The following ASAH2 variants were observed in gnomAD, a reference collection of about 807,000 sequenced individuals.
ASAH2 encodes N-acylsphingosine amidohydrolase 2.
ASAH2 carries 58 observed loss-of-function variants against 82.9 expected under a neutral mutation model. The observed-to-expected ratio is 0.70, with a 90% CI of 0.57 to 0.87. ASAH2 has a LOEUF of 0.87. Among genes scored for constraint, ASAH2 ranks in the 40% least tolerant of loss-of-function variants. The pLI is 0.00. For synonymous variants in ASAH2, 276 were observed against 289.7 expected (o/e 0.95, Z 0.48); for missense variants, 779 against 834.0 (o/e 0.93, Z 0.81).
chr10:50,235,813 A>G (rs1192714413), intron 5 of ASAH2, 75 bp downstream of exon 5: 2 of 1,508,434 alleles, frequency 1.3e-6, no homozygotes, highest in Non-Finnish European at 1.8e-6. Context: ...GGGATTCTTT[A>G]TATCACATCC....
intron 4 of ASAH2, among the ~76,000 whole-genome samples, chr10:50,241,782 C>T (rs1846302864): frequency 6.6e-6 from 1 of 152,122 alleles, no homozygotes; most frequent in African/African-American, 2.4e-5. Flanking sequence ...AGCAAACTAA[C>T]ACAAGAACAG....
intron 4 of ASAH2, among the ~76,000 whole-genome samples, chr10:50,237,325 A>T (rs928873027): frequency 3.9e-5 from 6 of 152,188 alleles, no homozygotes; most frequent in Non-Finnish European, 8.8e-5. Flanking sequence ...GTCAGCACTA[A>T]CTTGCTAGCC....
At chr10:50,225,832 T>A (rs1316297127) in intron 7 of ASAH2, among the ~76,000 whole-genome samples, 3 of 152,182 alleles carry the variant, frequency 2.0e-5, no homozygotes, top group Non-Finnish European at 4.4e-5. Context: ...GGCTCACAAT[T>A]GTAATCTCAA....
At chr10:50,248,393 G>T in intron 2 of ASAH2, 91 bp downstream of exon 2, 1 of 1,482,784 alleles carries the variant, frequency 6.7e-7, no homozygotes, top group Non-Finnish European at 9.2e-7. Context: ...AGAACTATCA[G>T]CAGACACTGT....
chr10:50,205,739 T>C (rs1845275750), intron 13 of ASAH2, among the ~76,000 whole-genome samples: 1 of 152,012 alleles, frequency 6.6e-6, no homozygotes, highest in Admixed American at 6.6e-5. Flanking sequence ...TATTCTGCCT[T>C]TCCCACTGTC....
chr10:50,223,491 G>A (rs1167646258), intron 7 of ASAH2, among the ~76,000 whole-genome samples: 1 of 152,184 alleles, frequency 6.6e-6, no homozygotes, highest in African/African-American at 2.4e-5. Context: ...CTACGTGCTA[G>A]CATGGCCCTC....
At position 50,185,155 on chromosome 10, in the gene ASAH2, C is replaced by G. The variant is rs1844712056; in HGVS notation, c.*2160G>C. ...ATGGTTTGGCTCCAGTGAGCCAGTC[C>G]CTGCAGCATCCACAGACATGAATTG... On this transcript the variant is annotated 3_prime_UTR_variant, in exon 21 of 21. Coordinates refer to ENST00000682911, the MANE Select transcript of ASAH2 (RefSeq NM_019893.4). The G allele has an allele frequency of 6.6e-6, 1 of 151,030 alleles. No individual in the cohort carries two copies. Among genetic ancestry groups the G allele is most frequent in the Non-Finnish European group, 1.5e-5 (1 of 67,686 alleles). 9.4% of individuals were successfully genotyped at this position (151,030 alleles called of 1,614,324 possible).
intron 17 of ASAH2, 47 bp downstream of exon 17, chr10:50,199,004 A>G: frequency 6.3e-7 from 1 of 1,587,012 alleles, no homozygotes; most frequent in Non-Finnish European, 8.6e-7. Flanking sequence ...ACACACACAC[A>G]CACACACACG....
chr10:50,234,924 G>C (rs1176278252), intron 5 of ASAH2, among the ~76,000 whole-genome samples: 1 of 152,070 alleles, frequency 6.6e-6, no homozygotes, highest in Non-Finnish European at 1.5e-5. Context: ...ACATGCAACT[G>C]TTTCCACCTC....
chr10:50,213,240 T>G (rs1845509159), intron 9 of ASAH2, among the ~76,000 whole-genome samples, 182 bp from the exon 10 acceptor site: 2 of 152,208 alleles, frequency 1.3e-5, no homozygotes, highest in Non-Finnish European at 2.9e-5. Context: ...GAAGAGTGAA[T>G]GTCTTTAGAA....
chr10:50,237,641 C>A (rs1846193818), intron 4 of ASAH2, among the ~76,000 whole-genome samples: 1 of 152,132 alleles, frequency 6.6e-6, no homozygotes, highest in Non-Finnish European at 1.5e-5. Context: ...AATGAACATC[C>A]AAATGCATGA....
At chr10:50,243,455 C>A (rs1029060709) in intron 3 of ASAH2, 104 bp from the exon 4 acceptor site, 2 of 1,257,478 alleles carry the variant, frequency 1.6e-6, no homozygotes, top group Non-Finnish European at 2.2e-6. Flanking sequence ...CAAAGAAAAA[C>A]ATCCACATGA....
chr10:50,235,554 C>T (rs1846136712), intron 5 of ASAH2, among the ~76,000 whole-genome samples: 1 of 152,100 alleles, frequency 6.6e-6, no homozygotes, highest in Non-Finnish European at 1.5e-5. Flanking sequence ...TTGGCTCCTT[C>T]ATGGGTTTCT....
chr10:50,218,664 G>A, intron 7 of ASAH2, 34 bp from the exon 8 acceptor site: 17 of 1,613,438 alleles, frequency 1.1e-5, no homozygotes, highest in Non-Finnish European at 1.4e-5. Context: ...AATTAATCAG[G>A]AGAACGAGAG....
chr10:50,213,702 T>C lies in ASAH2; in HGVS notation c.1141-644A>G, dbSNP rs879158282. On this transcript the variant is annotated intron_variant, in intron 9 of 20. Coordinates refer to ENST00000682911, the MANE Select transcript of ASAH2 (RefSeq NM_019893.4). Reference sequence around the variant, plus strand: ...ACAGGTAAAACATCTTAAATTTCCATAGGGGGCAAAAGACATAAATAAGAC... The same window carrying C: ...ACAGGTAAAACATCTTAAATTTCCACAGGGGGCAAAAGACATAAATAAGAC... Among the ~76,000 whole-genome samples, 394 of 152,132 alleles carry C rather than the reference T, an allele frequency of 2.6e-3. 4 individuals carry two copies. Among genetic ancestry groups the C allele is most frequent in the Admixed American group, 0.014 (213 of 15,282 alleles).
At chr10:50,205,501 A>C (rs1845270263) in intron 13 of ASAH2, among the ~76,000 whole-genome samples, 1 of 152,030 alleles carries the variant, frequency 6.6e-6, no homozygotes. Flanking sequence ...CCAAGTTTTT[A>C]TGAATACTGA....
intron 4 of ASAH2, among the ~76,000 whole-genome samples, chr10:50,242,022 A>T (rs770419948): frequency 1.1e-4 from 16 of 152,130 alleles, no homozygotes; most frequent in Non-Finnish European, 1.9e-4. Context: ...GTACCCCAGA[A>T]CTTAAAGTAT....
chr10:50,197,973 T>G (rs1417079846), intron 17 of ASAH2, among the ~76,000 whole-genome samples: 12 of 152,136 alleles, frequency 7.9e-5, no homozygotes, highest in Admixed American at 4.6e-4. Context: ...AAAAGTAACC[T>G]AAAACTGAGA....
intron 14 of ASAH2, 132 bp downstream of exon 14, chr10:50,204,729 T>C (rs1845249277): frequency 2.8e-6 from 2 of 711,074 alleles, no homozygotes; most frequent in Non-Finnish European, 2.4e-6. Context: ...TAGGAATATT[T>C]GCCACTGTCA....
Sources: gnomAD v4.1 joint callset for allele counts (sites outside exome capture counted in the v4.1 genomes callset) on GRCh38, gnomAD v4.1.1 for gene constraint, MANE v1.5 for transcripts, NCBI Gene and HGNC (gene_info 2026-07-23, HGNC 2026-07-21) for gene names.